STARD9: variants seen among roughly 807,000 people sequenced by gnomAD.
STARD9 encodes the protein stAR-related lipid transfer protein 9.
In STARD9, 346 loss-of-function variants were observed where a neutral mutation model predicts 399.8. The ratio of observed to expected loss-of-function variants is 0.87; its 90% CI spans 0.79 to 0.95. The LOEUF (loss-of-function observed/expected upper bound fraction) is 0.95. STARD9 is among the 40% of genes least tolerant of loss of function. STARD9 has a pLI of 0.00. For synonymous variants in STARD9, 2,203 were observed against 2,143.5 expected (o/e 1.03, Z -0.77); for missense variants, 5,832 against 5,667.5 (o/e 1.03, Z -0.93).
At chr15:42,611,592 C>T (rs1354137812) in intron 3 of STARD9, among the ~76,000 whole-genome samples, 2 of 152,188 alleles carry the variant, frequency 1.3e-5, no homozygotes, top group Non-Finnish European at 2.9e-5. Flanking sequence ...ATCTTTTATA[C>T]TGCCACCCTC....
intron 1 of STARD9, among the ~76,000 whole-genome samples, chr15:42,577,657 T>C (rs936271512): frequency 1.3e-5 from 2 of 152,176 alleles, no homozygotes; most frequent in African/African-American, 4.8e-5. Context: ...TGTGAACAGA[T>C]TGTAGCAGGC....
Position 42,693,320 on chromosome 15 carries a change from C to T in STARD9, c.11742C>T (p.Ser3914=). Residue 3914 remains serine, a synonymous_variant, in exon 23 of 33, where the codon TCC becomes TCT. Transcript: ENST00000290607. ...LSASTQEPGL[S]PGSLTLSAPS... ...CCAGCACCCAAGAGCCGGGTCTTTC[C>T]CCAGGCTCTTTGACCCTCTCAGCCC... 6.5e-7 allele frequency: 1 copy of T among 1,537,094 alleles called. No homozygotes were observed. The highest frequency in any genetic ancestry group is 8.7e-7 in the Non-Finnish European group (1 of 1,146,884).
rs903679341 is a variant in STARD9 at position 42,689,164 on chromosome 15, C to T, written c.7586C>T (p.Pro2529Leu). Residue 2529 changes from proline to leucine, a missense_variant, in exon 23 of 33, where the codon CCG becomes CTG. By Grantham distance (98) the Pro-to-Leu change is moderately conservative. Around this residue, in one of 2 missense-constraint regions of STARD9, gnomAD observed 5,828 missense variants for 5,651.1 expected, o/e 1.03. Transcript: ENST00000290607. Reference protein sequence around the residue: ...SGVSLAPVSLPRVPSPEPRLL... With the variant: ...SGVSLAPVSLLRVPSPEPRLL... ...GTTTCCTTAGCACCTGTTTCCCTGC[C>T]GAGGGTGCCCAGTCCAGAGCCTAGG... 2.0e-5 allele frequency: 30 copies of T among 1,537,108 alleles called. No homozygotes were observed. The highest frequency in any genetic ancestry group is 7.1e-5 in the South Asian group (6 of 84,062).
Position 42,718,367 on chromosome 15 carries a change from G to A in STARD9, c.13763-68G>A, listed in dbSNP as rs2061390069. 2.9e-6 allele frequency: 4 copies of A among 1,381,292 alleles called. No homozygotes were observed. The Admixed American group carries it at 5.9e-5, about 21-fold the overall frequency. 85.6% of individuals were successfully genotyped at this position (1,381,292 alleles called of 1,614,324 possible). ...TGGGGTGTTGGGGGGAGGGCTCCCTGACCAGGAAGGCTTTAGGACTAGGTC... is the reference window on the plus strand; with the variant it reads ...TGGGGTGTTGGGGGGAGGGCTCCCTAACCAGGAAGGCTTTAGGACTAGGTC... On this transcript the variant is annotated intron_variant, in intron 30 of 32. Transcript: ENST00000290607.
At chr15:42,581,578 G>T in intron 1 of STARD9, 1 of 878,536 alleles carries the variant, frequency 1.1e-6, no homozygotes, top group Non-Finnish European at 1.8e-6. Flanking sequence ...GTGGAAAAGC[G>T]AGCTCTGCGC....
Position 42,693,341 on chromosome 15 carries a change from A to G in STARD9, c.11763A>G (p.Ser3921=), listed in dbSNP as rs553347318. The G allele has an allele frequency of 1.3e-6, 2 of 1,537,104 alleles. No individual in the cohort carries two copies. The highest frequency in any genetic ancestry group is 1.4e-5 in the African/African-American group (1 of 73,144). ...PGLSPGSLTL[S]APSTHPVEGH... is the part of the protein sequence containing the mutation. ...TTTCCCCAGGCTCTTTGACCCTCTCAGCCCCTTCAACTCACCCTGTTGAAG... is the reference window on the plus strand; with the variant it reads ...TTTCCCCAGGCTCTTTGACCCTCTCGGCCCCTTCAACTCACCCTGTTGAAG... Residue 3921 remains serine (S), a synonymous_variant, in exon 23 of 33, where the codon TCA becomes TCG. Transcript: ENST00000290607.
At chr15:42,631,971 C>T (rs2059340739) in intron 3 of STARD9, among the ~76,000 whole-genome samples, 1 of 152,154 alleles carries the variant, frequency 6.6e-6, no homozygotes, top group Non-Finnish European at 1.5e-5. Flanking sequence ...GTTTACAGTG[C>T]AGATTAAGTC....
At chr15:42,587,146 GC>G (rs2058292972) in intron 3 of STARD9, among the ~76,000 whole-genome samples, 2 of 152,064 alleles carry the variant, frequency 1.3e-5, no homozygotes, top group African/African-American at 4.8e-5. Flanking sequence ...ATGAGTAACT[GC>G]ACCCAGCTAT....
chr15:42,592,687 G>GC (rs1399358231), intron 3 of STARD9, among the ~76,000 whole-genome samples: 1 of 151,944 alleles, frequency 6.6e-6, no homozygotes, highest in Non-Finnish European at 1.5e-5. Context: ...CAAGTGATCT[G>GC]CCCACCTCAG....
intron 3 of STARD9, among the ~76,000 whole-genome samples, chr15:42,608,498 C>T (rs912042874): frequency 1.3e-5 from 2 of 152,134 alleles, no homozygotes; most frequent in Non-Finnish European, 2.9e-5. Flanking sequence ...CCCATTTAGA[C>T]TAAACAGTAT....
At chr15:42,585,780 C>T (rs1402149416) in intron 3 of STARD9, 143 bp downstream of exon 3, 3 of 475,016 alleles carry the variant, frequency 6.3e-6, no homozygotes, top group Non-Finnish European at 1.1e-5. Context: ...TTTAAGAAAA[C>T]TTTGAAATAA....
chr15:42,684,810 G>A lies in STARD9; in HGVS notation c.3232G>A (p.Asp1078Asn). The A allele has an allele frequency of 3.3e-6, 5 of 1,537,166 alleles. No homozygotes were observed. The highest frequency in any genetic ancestry group is 4.4e-6 in the Non-Finnish European group (5 of 1,146,916). Residue 1078 changes from aspartate to asparagine, a missense_variant, in exon 23 of 33, where the codon GAC becomes AAC. Coordinates refer to ENST00000290607, the MANE Select transcript of STARD9 (RefSeq NM_020759.3). The part of the protein sequence containing the change: ...LKRQQNTRDP[D>N]TMVPLTDFSP... ...GAGACAACAAAATACAAGGGACCCA[G>A]ACACCATGGTCCCACTCACAGATTT...
At position 42,717,067 on chromosome 15, in the gene STARD9, C is replaced by A. The variant is rs2061364545; in HGVS notation, c.13494+19C>A. ...GGCTGATGTGAGTAACTGCTCCCAC[C>A]CATCCCTACCATTCCTTTACCCAGA... On this transcript the variant is annotated intron_variant, in intron 28 of 32. Transcript: ENST00000290607. The A allele has an allele frequency of 1.3e-6, 2 of 1,536,834 alleles. No homozygotes were observed. Among genetic ancestry groups the A allele is most frequent in the South Asian group, 1.2e-5 (1 of 84,036 alleles).
intron 7 of STARD9, among the ~76,000 whole-genome samples, chr15:42,644,783 T>C (rs1363289163): frequency 3.3e-5 from 5 of 152,234 alleles, no homozygotes. Flanking sequence ...ATAGAACTTA[T>C]TTCAGAGCTG....
chr15:42,683,805 GGTTCCTCAT>G (rs2060486171), intron 22 of STARD9, among the ~76,000 whole-genome samples: 1 of 151,920 alleles, frequency 6.6e-6, no homozygotes, highest in Non-Finnish European at 1.5e-5. Context: ...TTTATCTTTT[GGTTCCTCAT>G]AATACCATTT....
intron 3 of STARD9, among the ~76,000 whole-genome samples, chr15:42,615,906 C>G (rs1296897053): frequency 2.6e-5 from 4 of 152,084 alleles, no homozygotes; most frequent in African/African-American, 4.8e-5. Context: ...TTGTATGTAT[C>G]TATTTCAGTA....
chr15:42,581,016 G>C (rs1450210745), intron 1 of STARD9: 11 of 441,802 alleles, frequency 2.5e-5, no homozygotes, highest in Middle Eastern at 6.8e-4. Flanking sequence ...GACTGTAATG[G>C]GGACTGCTGG....
intron 3 of STARD9, among the ~76,000 whole-genome samples, chr15:42,612,055 A>G (rs1025007973): frequency 4.6e-5 from 7 of 152,266 alleles, no homozygotes; most frequent in African/African-American, 1.7e-4. Context: ...TGCAGCCTCA[A>G]TCTCCTGGGC....
At chr15:42,668,653 C>T (rs1338987130) in intron 15 of STARD9, among the ~76,000 whole-genome samples, 1 of 152,014 alleles carries the variant, frequency 6.6e-6, no homozygotes, top group Non-Finnish European at 1.5e-5. Flanking sequence ...GTCTTAGTTC[C>T]ACCTGGGGAG....
Sources: gnomAD v4.1 joint callset for allele counts (sites outside exome capture counted in the v4.1 genomes callset) on GRCh38, gnomAD v4.1.1 for gene constraint, gnomAD v4.1.1 regional missense constraint, MANE v1.5 for transcripts, NCBI Gene and HGNC (gene_info 2026-07-23, HGNC 2026-07-21) for gene names.